Variants in BBS9 observed in about 807,000 individuals in gnomAD.
BBS9 encodes protein PTHB1.
Under a neutral mutation model 117.7 loss-of-function variants are expected in BBS9, and 89 were observed. That is an observed-to-expected ratio of 0.76 (90% CI 0.64 to 0.90). BBS9 has a LOEUF of 0.90. BBS9 is among the 40% of genes least tolerant of loss of function. The pLI, the probability that BBS9 is intolerant of heterozygous loss-of-function variation, is 0.00. For synonymous variants in BBS9, 379 were observed against 370.9 expected (o/e 1.02, Z -0.25); for missense variants, 982 against 1,042.2 (o/e 0.94, Z 0.80).
intron 19 of BBS9, among the ~76,000 whole-genome samples, chr7:33,502,217 A>C (rs975702863): frequency 6.6e-6 from 1 of 152,152 alleles, no homozygotes; most frequent in Non-Finnish European, 1.5e-5. Context: ...TTCAATATCT[A>C]TTCTTTAGGA....
At chr7:33,305,272 T>A (rs1468821987) in intron 9 of BBS9, among the ~76,000 whole-genome samples, 1 of 152,146 alleles carries the variant, frequency 6.6e-6, no homozygotes, top group Non-Finnish European at 1.5e-5. Flanking sequence ...TCCTAATGAA[T>A]CATCTTTTTA....
intron 19 of BBS9, among the ~76,000 whole-genome samples, chr7:33,407,603 TG>T (rs34434019): frequency 0.18 from 26,750 of 152,106 alleles, 2,529 homozygotes; most frequent in South Asian, 0.21. Flanking sequence ...GATGTACAGA[TG>T]GGTTTTTCGT....
At chr7:33,221,746 C>T (rs964493054) in intron 5 of BBS9, among the ~76,000 whole-genome samples, 1 of 151,946 alleles carries the variant, frequency 6.6e-6, no homozygotes, top group African/African-American at 2.4e-5. Flanking sequence ...TCCTACAAGC[C>T]CTGCCAGAGT....
intron 4 of BBS9, among the ~76,000 whole-genome samples, chr7:33,156,025 A>G (rs1439566195): frequency 6.6e-6 from 1 of 152,198 alleles, no homozygotes; most frequent in East Asian, 1.9e-4. Context: ...TTGAGTCTTA[A>G]GAAATGTTCT....
chr7:33,178,310 A>G (rs1797620554), intron 5 of BBS9, among the ~76,000 whole-genome samples: 1 of 152,206 alleles, frequency 6.6e-6, no homozygotes, highest in African/African-American at 2.4e-5. Context: ...ACCTTTATCT[A>G]GCACTGGCTC....
chr7:33,377,003 A>G (rs946680252), intron 17 of BBS9, among the ~76,000 whole-genome samples: 1 of 151,960 alleles, frequency 6.6e-6, no homozygotes, highest in Non-Finnish European at 1.5e-5. Flanking sequence ...GGTCATCTGT[A>G]TACTCTGTTG....
At chr7:33,263,674 ATCTG>A (rs779704900) in intron 6 of BBS9, among the ~76,000 whole-genome samples, 2 of 152,090 alleles carry the variant, frequency 1.3e-5, no homozygotes, top group East Asian at 1.9e-4. Flanking sequence ...CTCTATATAA[ATCTG>A]TCTCTTTGTC....
chr7:33,197,221 T>C (rs2128204876), intron 5 of BBS9, among the ~76,000 whole-genome samples: 1 of 152,304 alleles, frequency 6.6e-6, no homozygotes, highest in East Asian at 1.9e-4. Flanking sequence ...GTGGTCTTGA[T>C]AGGATTTGAC....
At chr7:33,572,378 G>C (rs769183003) in intron 21 of BBS9, among the ~76,000 whole-genome samples, 17 of 152,056 alleles carry the variant, frequency 1.1e-4, no homozygotes, top group Non-Finnish European at 1.8e-4. Flanking sequence ...ATCTTGCCTA[G>C]TGTGAATAGT....
At chr7:33,483,199 G>C (rs1258625943) in intron 19 of BBS9, among the ~76,000 whole-genome samples, 1 of 152,072 alleles carries the variant, frequency 6.6e-6, no homozygotes, top group East Asian at 1.9e-4. Context: ...GAAAATCCTT[G>C]TACTCTGTAA....
At chr7:33,452,503 G>A (rs1034339151) in intron 19 of BBS9, among the ~76,000 whole-genome samples, 8 of 152,074 alleles carry the variant, frequency 5.3e-5, no homozygotes, top group Non-Finnish European at 1.2e-4. Context: ...TGTCTTTCTA[G>A]CCTCAGCGTT....
chr7:33,346,155 C>T (rs1401720547), intron 12 of BBS9: 2 of 406,660 alleles, frequency 4.9e-6, no homozygotes, highest in Non-Finnish European at 1.0e-5. Flanking sequence ...ACAATGTCTT[C>T]CTGATCCTGT....
At chr7:33,442,008 C>T (rs912188647) in intron 19 of BBS9, among the ~76,000 whole-genome samples, 1 of 151,918 alleles carries the variant, frequency 6.6e-6, no homozygotes, top group South Asian at 2.1e-4. Context: ...TCTTTTGCCT[C>T]AGCCTCCCCA....
rs200850911 is a variant in BBS9, at chr7:33,351,250, T to C, written c.1464T>C (p.Ser488=). 1.5e-5 allele frequency: 24 copies of C among 1,612,792 alleles called. No homozygotes were observed. In the East Asian group the frequency reaches 5.4e-4, roughly 36 times the overall value. Residue 488 remains serine, a synonymous_variant, in exon 14 of 23, where the codon TCT becomes TCC. Transcript: ENST00000242067. ...ATTTGACTAGAACAGTAAGCTTTTCTGTTTATCTGAAAAGAAGTTATACAC... is the reference window on the plus strand; with the variant it reads ...ATTTGACTAGAACAGTAAGCTTTTCCGTTTATCTGAAAAGAAGTTATACAC... The part of the protein sequence containing the change: ...TPDLTRTVSF[S]VYLKRSYTPS...
intron 4 of BBS9, among the ~76,000 whole-genome samples, chr7:33,168,166 G>T (rs918414486): frequency 6.6e-6 from 1 of 152,146 alleles, no homozygotes; most frequent in African/African-American, 2.4e-5. Context: ...GGTGCCCTCT[G>T]TAGCATCCCA....
chr7:33,622,459 C>G (rs78354559), intron 21 of BBS9, among the ~76,000 whole-genome samples: 2 of 151,942 alleles, frequency 1.3e-5, no homozygotes, highest in Non-Finnish European at 2.9e-5. Flanking sequence ...AATACTCTCA[C>G]CACACAAAAA....
intron 9 of BBS9, among the ~76,000 whole-genome samples, chr7:33,287,754 C>T (rs1442260012): frequency 7.2e-5 from 11 of 152,084 alleles, no homozygotes; most frequent in African/African-American, 2.7e-4. Context: ...AGGATAGATA[C>T]CCATATAATG....
intron 5 of BBS9, among the ~76,000 whole-genome samples, chr7:33,221,612 G>A (rs1414686773): frequency 2.0e-5 from 3 of 152,118 alleles, no homozygotes; most frequent in African/African-American, 7.2e-5. Flanking sequence ...ATAAAGTGTT[G>A]TAATTCTGGA....
At chr7:33,287,697 G>A (rs1002605634) in intron 9 of BBS9, among the ~76,000 whole-genome samples, 1 of 152,072 alleles carries the variant, frequency 6.6e-6, no homozygotes, top group African/African-American at 2.4e-5. Context: ...TTTAAAATAA[G>A]TGTAAAATAA....
Sources: allele counts gnomAD v4.1 joint callset (sites outside exome capture counted in the v4.1 genomes callset), GRCh38; gene constraint gnomAD v4.1.1; transcripts MANE v1.5; gene names NCBI Gene and HGNC (gene_info 2026-07-23, HGNC 2026-07-21).